Variants in CCDC125 observed in about 807,000 individuals in gnomAD.
The protein encoded by CCDC125 is coiled-coil domain-containing protein 125.
A neutral mutation model predicts 57.4 loss-of-function variants in CCDC125; 43 were observed. That is an observed-to-expected ratio of 0.75 (90% CI 0.59 to 0.97). The LOEUF is 0.97. CCDC125 is among the 50% of genes least tolerant of loss of function. The pLI, the probability that CCDC125 is intolerant of heterozygous loss-of-function variation, is 0.00. For synonymous variants in CCDC125, 187 were observed against 195.2 expected, an observed-to-expected ratio of 0.96 and a Z score of 0.35; for missense variants, 563 against 595.7, an observed-to-expected ratio of 0.95 and a Z score of 0.57.
chr5:69,282,618 G>T lies in CCDC125; in HGVS notation c.*111C>A. 2.3e-6 allele frequency: 2 copies of T among 870,386 alleles called. No homozygotes were observed. Among genetic ancestry groups the T allele is most frequent in the Non-Finnish European group, 1.7e-6 (1 of 575,056 alleles). 53.9% of individuals were successfully genotyped at this position (870,386 alleles called of 1,614,324 possible). On this transcript the variant is annotated 3_prime_UTR_variant, in exon 12 of 12. Transcript: ENST00000396496. ...GATTTAAGTGACCTCCTAAAATTTA[G>T]AAATACCTAGGAAACATACAACTTC...
At chr5:69,329,377 G>A (rs906693730) in intron 1 of CCDC125, among the ~76,000 whole-genome samples, 30 of 151,272 alleles carry the variant, frequency 2.0e-4, no homozygotes, top group African/African-American at 7.0e-4. Context: ...TTGTAGAGAC[G>A]AGGTCTCCTT....
At position 69,281,842 on chromosome 5, in the gene CCDC125, C is replaced by G. The variant is rs538383753; in HGVS notation, c.*887G>C. ...AATAGTTAAATAATTTTTTGTTTTT[C>G]CCAAAAATCATTATTTTTTGTTTTA... On this transcript the variant is annotated 3_prime_UTR_variant, in exon 12 of 12. Coordinates refer to ENST00000396496, the MANE Select transcript of CCDC125 (RefSeq NM_176816.5). 1.3e-5 allele frequency: 2 copies of G among 151,532 alleles called. No homozygotes were observed. The highest frequency in any genetic ancestry group is 4.8e-5 in the African/African-American group (2 of 41,360). 9.4% of individuals were successfully genotyped at this position (151,532 alleles called of 1,614,324 possible).
rs1349496127 is a variant in CCDC125 at position 69,292,288 on chromosome 5, T to C, written c.999A>G (p.Gln333=). Residue 333 remains glutamine (Q), a synonymous_variant, in exon 10 of 12, where the codon CAA becomes CAG. Transcript: ENST00000396496. ...ADAFRIAFEQ[Q]LMRKNDQALQ... Reference sequence around the variant, plus strand: ...GTGCCTGGTCATTTTTTCTCATTAATTGTTGCTCAAATGCAATTCTGAAAG... The same window carrying C: ...GTGCCTGGTCATTTTTTCTCATTAACTGTTGCTCAAATGCAATTCTGAAAG... 6 of 1,613,954 alleles carry C rather than the reference T, an allele frequency of 3.7e-6. No homozygotes were observed. Among genetic ancestry groups the C allele is most frequent in the Non-Finnish European group, 4.2e-6 (5 of 1,179,916 alleles).
intron 9 of CCDC125, among the ~76,000 whole-genome samples, chr5:69,293,787 C>A (rs1754888979): frequency 2.6e-5 from 4 of 152,060 alleles, no homozygotes. Context: ...GTTTGCCACA[C>A]CTAAGGACTT....
chr5:69,304,956 G>A lies in CCDC125; in HGVS notation c.618-1027C>T, dbSNP rs117181191. 5.1e-4 allele frequency among the ~76,000 whole-genome samples: 78 copies of A among 151,886 alleles called. No homozygotes were observed. The East Asian group carries it at 0.015, about 29-fold the overall frequency. Reference sequence around the variant, plus strand: ...AAAATGTACCACTCTGGTGGGGGATGTTGTCAGTGGGGGAGGCTGTGTATA... The same window carrying A: ...AAAATGTACCACTCTGGTGGGGGATATTGTCAGTGGGGGAGGCTGTGTATA... On this transcript the variant is annotated intron_variant, in intron 6 of 11. Coordinates refer to ENST00000396496, the MANE Select transcript of CCDC125 (RefSeq NM_176816.5).
At chr5:69,279,432 G>A (rs574916870), downstream of CCDC125, among the ~76,000 whole-genome samples, 47 of 152,150 alleles carry the variant, frequency 3.1e-4, no homozygotes, top group Non-Finnish European at 4.6e-4. Context: ...TCCTGACCTC[G>A]TGATCCGCCC....
chr5:69,279,739 G>A (rs1037108729), downstream of CCDC125, among the ~76,000 whole-genome samples: 1 of 152,134 alleles, frequency 6.6e-6, no homozygotes, highest in African/African-American at 2.4e-5. Flanking sequence ...AAGAGTCCAG[G>A]AGATAATAGC....
chr5:69,314,490 A>G (rs1376735007), intron 2 of CCDC125, among the ~76,000 whole-genome samples: 12 of 152,044 alleles, frequency 7.9e-5, no homozygotes, highest in African/African-American at 2.7e-4. Context: ...AACAGACCAA[A>G]TTATGGTAAA....
chr5:69,320,904 T>C (rs1295930886), intron 1 of CCDC125, among the ~76,000 whole-genome samples: 3 of 152,094 alleles, frequency 2.0e-5, no homozygotes, highest in Admixed American at 2.0e-4. Flanking sequence ...GAAAACATTA[T>C]GCTAAGTGTA....
chr5:69,285,023 G>A (rs1041763707), intron 11 of CCDC125, among the ~76,000 whole-genome samples: 5 of 152,074 alleles, frequency 3.3e-5, no homozygotes, highest in African/African-American at 1.2e-4. Flanking sequence ...CTTGAACCCG[G>A]GAGGTGGAGG....
At chr5:69,323,005 T>A (rs1760274875) in intron 1 of CCDC125, among the ~76,000 whole-genome samples, 1 of 151,824 alleles carries the variant, frequency 6.6e-6, no homozygotes, top group African/African-American at 2.4e-5. Context: ...CAACATTCTA[T>A]CTCAAAAAAT....
chr5:69,322,279 G>C (rs981763565), intron 1 of CCDC125, among the ~76,000 whole-genome samples: 3 of 152,140 alleles, frequency 2.0e-5, no homozygotes, highest in Admixed American at 1.3e-4. Flanking sequence ...GGCACCACGT[G>C]GGGGTGGGGA....
rs557088344 is a variant in CCDC125 at position 69,320,594 on chromosome 5, A to T, written c.-40-14T>A. Reference sequence around the variant, plus strand: ...AAAATGGGCTGTCTGTAGTTAAGAAAAACAGTAGTTAGGAAAACATCAGTA... The same window carrying T: ...AAAATGGGCTGTCTGTAGTTAAGAATAACAGTAGTTAGGAAAACATCAGTA... On this transcript the variant is annotated splice_polypyrimidine_tract_variant and intron_variant, in intron 1 of 11. Coordinates refer to ENST00000396496, the MANE Select transcript of CCDC125 (RefSeq NM_176816.5). 7.6e-4 allele frequency: 943 copies of T among 1,243,460 alleles called. No individual in the cohort carries two copies. The highest frequency in any genetic ancestry group is 1.0e-3 in the Admixed American group (48 of 47,170). 77.0% of individuals were successfully genotyped at this position (1,243,460 alleles called of 1,614,324 possible).
In CCDC125 at chr5:69,313,996, C is replaced by T; in HGVS notation, c.355G>A (p.Glu119Lys). Reference protein sequence around the residue: ...SNEELRQCLNETLEEVEMLKT... With the variant: ...SNEELRQCLNKTLEEVEMLKT... ...GCCAGAGTACCTACCTCTAAAGTTT[C>T]ATTAAGACATTGCCTTAATTCTTCA... Residue 119 changes from glutamate to lysine, a missense_variant, in exon 3 of 12, where the codon GAA becomes AAA. Coordinates refer to ENST00000396496, the MANE Select transcript of CCDC125 (RefSeq NM_176816.5). 6.2e-7 allele frequency: 1 copy of T among 1,608,118 alleles called. No homozygotes were observed. Among genetic ancestry groups the T allele is most frequent in the Non-Finnish European group, 8.5e-7 (1 of 1,174,604 alleles).
downstream of CCDC125, among the ~76,000 whole-genome samples, chr5:69,279,580 T>C (rs1286389666): frequency 6.6e-6 from 1 of 152,110 alleles, no homozygotes; most frequent in African/African-American, 2.4e-5. Context: ...CTCTCTCAGC[T>C]TCTTAAGGAA....
chr5:69,278,236 C>T (rs1025638916), downstream of CCDC125, among the ~76,000 whole-genome samples: 5 of 151,240 alleles, frequency 3.3e-5, no homozygotes, highest in South Asian at 6.2e-4. Flanking sequence ...GATGGAGTCT[C>T]GCTCTGTCAC....
intron 10 of CCDC125, among the ~76,000 whole-genome samples, chr5:69,291,177 T>A (rs1448898913): frequency 6.6e-6 from 1 of 152,186 alleles, no homozygotes; most frequent in East Asian, 1.9e-4. Flanking sequence ...TAATTTGACA[T>A]TTTAAACTGA....
chr5:69,275,957 C>T (rs923802852), downstream of CCDC125, among the ~76,000 whole-genome samples: 7 of 152,142 alleles, frequency 4.6e-5, no homozygotes, highest in Non-Finnish European at 8.8e-5. Context: ...CACTTCTGGT[C>T]CCAAGCATTT....
chr5:69,321,023 G>A (rs1016254717), intron 1 of CCDC125, among the ~76,000 whole-genome samples: 1 of 152,140 alleles, frequency 6.6e-6, no homozygotes, highest in African/African-American at 2.4e-5. Context: ...AGAGGCTGGG[G>A]GATGGGAGGA....
Sources: gnomAD v4.1 joint callset for allele counts (sites outside exome capture counted in the v4.1 genomes callset) on GRCh38, gnomAD v4.1.1 for gene constraint, MANE v1.5 for transcripts, NCBI Gene and HGNC (gene_info 2026-07-23, HGNC 2026-07-21) for gene names.